The following COL11A1 variants were observed in gnomAD, a reference collection of about 807,000 sequenced individuals.
COL11A1 encodes the protein collagen alpha-1(XI) chain.
A neutral mutation model predicts 265.2 loss-of-function variants in COL11A1; 74 were observed. The ratio of observed to expected loss-of-function variants is 0.28; its 90% CI spans 0.23 to 0.34. COL11A1 has a LOEUF of 0.34. Ranked by LOEUF, COL11A1 falls within the 10% of genes least tolerant of loss-of-function variation. COL11A1 has a pLI of 1.00. For missense variants in COL11A1, 2,165 were observed against 2,263.6 expected, an observed-to-expected ratio of 0.96 and a Z score of 0.88; for synonymous variants, 816 against 727.6, an observed-to-expected ratio of 1.12 and a Z score of -1.96.
chr1:102,928,264 C>T (rs921340778), intron 46 of COL11A1, among the ~76,000 whole-genome samples: 56 of 150,902 alleles, frequency 3.7e-4, no homozygotes, highest in African/African-American at 1.3e-3. Flanking sequence ...CCCCACCCCA[C>T]CACAGTCCCC....
rs1674880911 is a variant in COL11A1, at chr1:103,108,365, T to C, written c.-187A>G. On this transcript the variant is annotated 5_prime_UTR_variant, in exon 1 of 67. Coordinates refer to ENST00000370096, the MANE Select transcript of COL11A1 (RefSeq NM_001854.4). The stretch of plus-strand genomic sequence containing the variant: ...TGCGTTCTTCGTGTCTCTAGCCCTT[T>C]CCTCTCCCTCTGAGTTGGCCCCACC... 6.2e-6 allele frequency: 4 copies of C among 646,348 alleles called. No homozygotes were observed. In the East Asian group the frequency reaches 1.1e-4, roughly 18 times the overall value. The allele number at this position is 646,348 out of a possible 1,614,324, so 40.0% of individuals were successfully genotyped here.
chr1:102,980,649 A>T (rs112233731), intron 31 of COL11A1, among the ~76,000 whole-genome samples: 6 of 152,046 alleles, frequency 3.9e-5, no homozygotes, highest in Non-Finnish European at 8.8e-5. Flanking sequence ...ACTTGAATAC[A>T]CCTTTCTTTT....
rs368574516 is a variant in COL11A1 at position 103,038,485 on chromosome 1, CGAGA to C, written c.652-7245_652-7242del. Among the ~76,000 whole-genome samples the C allele has an allele frequency of 3.1e-3, 467 of 148,870 alleles. 3 individuals are homozygous for C. Among genetic ancestry groups the C allele is most frequent in the African/African-American group, 0.011 (449 of 40,614 alleles). Reference sequence around the variant, plus strand: ...ACTCTTTCTCCAAAAAGAGAGAGAGCGAGAGAGAGAGAGAGAAGTATATATAGTG... The same window carrying C: ...ACTCTTTCTCCAAAAAGAGAGAGAGCGAGAGAGAGAGAAGTATATATAGTG... On this transcript the variant is annotated intron_variant, in intron 4 of 66. Transcript: ENST00000370096.
intron 66 of COL11A1, among the ~76,000 whole-genome samples, chr1:102,878,511 CT>C (rs1649813931): frequency 3.0e-5 from 1 of 33,656 alleles, no homozygotes; most frequent in Non-Finnish European, 6.6e-5. Context: ...TATTCTTTTT[CT>C]TTTCTTTCTT....
At chr1:102,956,838 C>T (rs1164816797) in intron 41 of COL11A1, among the ~76,000 whole-genome samples, 1 of 150,510 alleles carries the variant, frequency 6.6e-6, no homozygotes, top group Admixed American at 6.6e-5. Flanking sequence ...TTTCTGTAAG[C>T]CAAAGTGAAA....
At position 102,961,940 on chromosome 1, in the gene COL11A1, A is replaced by T. The variant is rs750885085; in HGVS notation, c.3115-21T>A. 5.0e-6 allele frequency: 8 copies of T among 1,606,874 alleles called. No individual in the cohort carries two copies. In the Admixed American group the frequency reaches 1.3e-4, roughly 27 times the overall value. ...GCACCCTGGGAAAAGTGAAAAAAAT[A>T]AAGAAAATGAATCCATATGAATTGA... On this transcript the variant is annotated intron_variant, in intron 40 of 66. Coordinates refer to ENST00000370096, the MANE Select transcript of COL11A1 (RefSeq NM_001854.4).
At chr1:103,021,636 A>T in intron 9 of COL11A1, 71 bp downstream of exon 9, 4 of 974,018 alleles carry the variant, frequency 4.1e-6, no homozygotes, top group Non-Finnish European at 6.7e-6. Context: ...GAACATACAT[A>T]ATAATTTAAC....
intron 57 of COL11A1, 31 bp from the exon 58 acceptor site, chr1:102,890,535 CA>C (rs1651630523): frequency 1.3e-6 from 2 of 1,569,564 alleles, no homozygotes; most frequent in Non-Finnish European, 1.7e-6. Context: ...AACCCCAAAA[CA>C]AAAACAGAGT....
chr1:102,920,194 A>G, intron 49 of COL11A1, 117 bp downstream of exon 49: 1 of 958,836 alleles, frequency 1.0e-6, no homozygotes, highest in South Asian at 1.3e-5. Flanking sequence ...CATGTGAATC[A>G]TATAACTATG....
chr1:103,058,933 T>C (rs1225313982), intron 4 of COL11A1, among the ~76,000 whole-genome samples: 1 of 152,120 alleles, frequency 6.6e-6, no homozygotes, highest in African/African-American at 2.4e-5. Flanking sequence ...TTGTAATTGT[T>C]TTGGGGTCTC....
intron 1 of COL11A1, among the ~76,000 whole-genome samples, chr1:103,098,687 T>A (rs1225061217): frequency 6.6e-6 from 1 of 151,832 alleles, no homozygotes; most frequent in Non-Finnish European, 1.5e-5. Flanking sequence ...CCATCAAAAA[T>A]ATTTTGAGAT....
At chr1:102,966,389 A>G (rs1661406161) in intron 37 of COL11A1, among the ~76,000 whole-genome samples, 1 of 152,190 alleles carries the variant, frequency 6.6e-6, no homozygotes, top group Non-Finnish European at 1.5e-5. Flanking sequence ...ATGGGTAGGA[A>G]CTAGCAGTCT....
chr1:102,985,582 C>T (rs913443998), intron 30 of COL11A1, among the ~76,000 whole-genome samples: 2 of 152,088 alleles, frequency 1.3e-5, no homozygotes, highest in Non-Finnish European at 2.9e-5. Flanking sequence ...TATGTATATA[C>T]TCTAATTCAT....
chr1:103,001,334 A>G, intron 24 of COL11A1: 1 of 396,236 alleles, frequency 2.5e-6, no homozygotes, highest in Non-Finnish European at 4.4e-6. Flanking sequence ...AAAATAATGA[A>G]AGAAAAAAGG....
At chr1:102,985,982 C>T (rs1019390967) in intron 30 of COL11A1, among the ~76,000 whole-genome samples, 2 of 152,120 alleles carry the variant, frequency 1.3e-5, no homozygotes, top group Non-Finnish European at 2.9e-5. Context: ...CCGATAAGAA[C>T]TGTCACATTA....
At position 103,022,889 on chromosome 1, in the gene COL11A1, G is replaced by A. The variant is rs369719875; in HGVS notation, c.1098C>T (p.Asp366=). Residue 366 remains aspartate, a synonymous_variant, in exon 8 of 67, where the codon GAC becomes GAT. Transcript: ENST00000370096. ...EDTLYENKEI[D]GRDSDLLVDG... ...CTACCAGAAGATCAGAATCCCTGCC[G>A]TCTATTTCTTTGTTTTCATATAGTG... 1.7e-5 allele frequency: 28 copies of A among 1,613,626 alleles called. No individual in the cohort carries two copies. The highest frequency in any genetic ancestry group is 1.1e-4 in the African/African-American group (8 of 74,852).
chr1:103,060,269 G>C (rs1435633309), intron 4 of COL11A1, among the ~76,000 whole-genome samples: 1 of 152,054 alleles, frequency 6.6e-6, no homozygotes, highest in Non-Finnish European at 1.5e-5. Flanking sequence ...TTCTTCAAAA[G>C]TGAAGGAGAA....
Position 103,014,606 on chromosome 1 carries a change from T to G in COL11A1, c.1489-12A>C. 6 of 1,610,648 alleles carry G rather than the reference T, an allele frequency of 3.7e-6. No homozygotes were observed. Among genetic ancestry groups the G allele is most frequent in the Non-Finnish European group, 5.1e-6 (6 of 1,177,044 alleles). ...CCACCATAACGGAACTTGGAAGAGA[T>G]AACATTAAGAAATTCAAAATTAGCT... is the stretch of plus-strand genomic sequence containing the variant. On this transcript the variant is annotated splice_polypyrimidine_tract_variant and intron_variant, in intron 12 of 66. Transcript: ENST00000370096.
intron 31 of COL11A1, among the ~76,000 whole-genome samples, chr1:102,981,569 C>T (rs561975409): frequency 3.9e-5 from 6 of 152,084 alleles, no homozygotes; most frequent in African/African-American, 1.4e-4. Flanking sequence ...AAATGACCAA[C>T]CTACCCAATT....
Sources: gnomAD v4.1 joint callset for allele counts (sites outside exome capture counted in the v4.1 genomes callset) on GRCh38, gnomAD v4.1.1 for gene constraint, MANE v1.5 for transcripts, NCBI Gene and HGNC (gene_info 2026-07-23, HGNC 2026-07-21) for gene names.